PKNOX1: variants seen among roughly 807,000 people sequenced by gnomAD.
PKNOX1 encodes the protein PBX/knotted 1 homeobox 1, also known as homeobox protein PKNOX1.
Under a neutral mutation model 51.9 loss-of-function variants are expected in PKNOX1, and 15 were observed. The observed-to-expected ratio is 0.29, with a 90% confidence interval of 0.19 to 0.45. PKNOX1 has a LOEUF of 0.45. Among genes scored for constraint, PKNOX1 ranks in the 20% least tolerant of loss-of-function variants. The pLI, the probability that PKNOX1 is intolerant of heterozygous loss-of-function variation, is 1.00. For missense variants in PKNOX1, 462 were observed against 547.5 expected, an observed-to-expected ratio of 0.84 and a Z score of 1.56; for synonymous variants, 219 against 211.1, an observed-to-expected ratio of 1.04 and a Z score of -0.32.
chr21:42,986,696 A>T (rs2059053899), intron 1 of PKNOX1, among the ~76,000 whole-genome samples: 1 of 152,202 alleles, frequency 6.6e-6, no homozygotes, highest in Non-Finnish European at 1.5e-5. Context: ...GTCATGATGT[A>T]TAGTTAGTGT....
intron 1 of PKNOX1, among the ~76,000 whole-genome samples, chr21:42,975,016 T>G (rs1289583833): frequency 2.1e-5 from 3 of 139,638 alleles, no homozygotes; most frequent in African/African-American, 7.8e-5. Flanking sequence ...CTCCTAACCG[T>G]CCCTTTCGGA....
intron 1 of PKNOX1, among the ~76,000 whole-genome samples, chr21:42,987,818 C>T (rs2059062878): frequency 6.6e-6 from 1 of 151,890 alleles, no homozygotes; most frequent in Non-Finnish European, 1.5e-5. Context: ...CAGGGTTTCA[C>T]CATGTTAGCC....
At chr21:42,985,493 C>A (rs977358578) in intron 1 of PKNOX1, among the ~76,000 whole-genome samples, 12 of 151,762 alleles carry the variant, frequency 7.9e-5, no homozygotes, top group Non-Finnish European at 1.2e-4. Flanking sequence ...AGGCACCACA[C>A]CTGGCTCATT....
Position 43,032,632 on chromosome 21 carries a change from A to C in PKNOX1, c.*2531A>C. The C allele has an allele frequency of 6.3e-6, 1 of 158,206 alleles. No homozygotes were observed. The highest frequency in any genetic ancestry group is 1.4e-5 in the Non-Finnish European group (1 of 71,312). 9.8% of individuals were successfully genotyped at this position (158,206 alleles called of 1,614,324 possible). ...ACACAGTGAGACCCCCATCTATAAA[A>C]AGAGAGCACTGCCTGAACCTCGGTG... On this transcript the variant is annotated 3_prime_UTR_variant, in exon 11 of 11. Coordinates refer to ENST00000291547, the MANE Select transcript of PKNOX1 (RefSeq NM_004571.5).
intron 1 of PKNOX1, among the ~76,000 whole-genome samples, chr21:42,987,382 C>CAAAAAAAAAAAAA (rs1181890321): frequency 2.1e-5 from 1 of 47,872 alleles, no homozygotes; most frequent in Non-Finnish European, 3.4e-5. Flanking sequence ...AACTCCCTCT[C>CAAAAAAAAAAAAA]AAAAAAAAAA....
In PKNOX1 at chr21:43,027,290, G is replaced by A. The variant is rs1437486989; in HGVS notation, c.927-1412G>A. 2.0e-5 allele frequency among the ~76,000 whole-genome samples: 3 copies of A among 152,194 alleles called. No individual in the cohort carries two copies. The East Asian group carries it at 5.8e-4, about 29-fold the overall frequency. On this transcript the variant is annotated intron_variant, in intron 9 of 10. Transcript: ENST00000291547. ...GTTGGGGTAATGCATGAATCTGGAC[G>A]GGTTCTGGTTTGATAGGCGCTTTCA...
chr21:42,997,730 G>C (rs1254190650), intron 1 of PKNOX1, among the ~76,000 whole-genome samples: 4 of 152,188 alleles, frequency 2.6e-5, no homozygotes, highest in Non-Finnish European at 5.9e-5. Context: ...CATCAGGAAG[G>C]CTTTCTGGAG....
At chr21:43,007,408 C>A in intron 2 of PKNOX1, 83 bp from the exon 3 acceptor site, 1 of 1,348,896 alleles carries the variant, frequency 7.4e-7, no homozygotes, top group Non-Finnish European at 1.1e-6. Flanking sequence ...CAATTCCCCA[C>A]TCCAACTGCA....
intron 5 of PKNOX1, among the ~76,000 whole-genome samples, chr21:43,013,568 G>A (rs1979349670): frequency 1.3e-5 from 2 of 152,024 alleles, no homozygotes; most frequent in Non-Finnish European, 2.9e-5. Context: ...TACCATCTTA[G>A]CTATTTTAAA....
intron 10 of PKNOX1, among the ~76,000 whole-genome samples, chr21:43,029,163 C>T (rs922806324): frequency 3.3e-5 from 5 of 152,178 alleles, no homozygotes; most frequent in African/African-American, 1.2e-4. Context: ...TTCTCCTTTG[C>T]TTCTGTGTTT....
chr21:43,008,437 C>T (rs1368656386), intron 3 of PKNOX1, among the ~76,000 whole-genome samples: 2 of 152,132 alleles, frequency 1.3e-5, no homozygotes, highest in African/African-American at 2.4e-5. Context: ...AAGAATAATA[C>T]GTAGCGACCA....
At chr21:42,977,416 G>T (rs1251849066) in intron 1 of PKNOX1, among the ~76,000 whole-genome samples, 1 of 152,074 alleles carries the variant, frequency 6.6e-6, no homozygotes, top group East Asian at 1.9e-4. Flanking sequence ...ATCTTAGCTA[G>T]ACCTGGATAA....
At chr21:42,978,950 G>A (rs1025348541) in intron 1 of PKNOX1, among the ~76,000 whole-genome samples, 1 of 152,146 alleles carries the variant, frequency 6.6e-6, no homozygotes, top group African/African-American at 2.4e-5. Context: ...CTCAGGTTGG[G>A]ATGCAGTGGT....
intron 3 of PKNOX1, among the ~76,000 whole-genome samples, chr21:43,009,572 C>A (rs1398839289): frequency 2.2e-5 from 3 of 134,760 alleles, no homozygotes; most frequent in Non-Finnish European, 3.1e-5. Context: ...GATCGTGCCG[C>A]TGCACTCCAG....
intron 1 of PKNOX1, among the ~76,000 whole-genome samples, chr21:42,975,042 C>G (rs1181714306): frequency 6.0e-5 from 2 of 33,168 alleles, no homozygotes; most frequent in Non-Finnish European, 1.2e-4. Context: ...GCGCGCGCCC[C>G]GGCGCGGGGC....
At chr21:43,016,825 CATT>C (rs1234690814) in intron 5 of PKNOX1, 80 bp from the exon 6 acceptor site, 2 of 817,520 alleles carry the variant, frequency 2.4e-6, no homozygotes, top group African/African-American at 1.7e-5. Context: ...TTAATGGTGT[CATT>C]ATGCTACTTA....
At chr21:43,024,663 A>G in intron 8 of PKNOX1, 1 of 564,466 alleles carries the variant, frequency 1.8e-6, no homozygotes, top group Non-Finnish European at 3.2e-6. Context: ...GCCTTGGCCT[A>G]TGCACTAACC....
intron 1 of PKNOX1, among the ~76,000 whole-genome samples, chr21:43,003,576 C>G (rs544796623): frequency 1.2e-3 from 179 of 152,310 alleles, no homozygotes; most frequent in African/African-American, 3.5e-3. Flanking sequence ...CCCAGCGAGG[C>G]CTGCTCTGAC....
chr21:42,999,540 G>A (rs541695841), intron 1 of PKNOX1, among the ~76,000 whole-genome samples: 5 of 152,116 alleles, frequency 3.3e-5, no homozygotes, highest in Non-Finnish European at 7.4e-5. Flanking sequence ...GAGTGTAGTG[G>A]CACAATCTTG....
Sources: allele counts gnomAD v4.1 joint callset (sites outside exome capture counted in the v4.1 genomes callset), GRCh38; gene constraint gnomAD v4.1.1; transcripts MANE v1.5; gene names NCBI Gene and HGNC (gene_info 2026-07-23, HGNC 2026-07-21).